TMEM63C: variants seen among roughly 807,000 people sequenced by gnomAD.
The protein encoded by TMEM63C is osmosensitive cation channel TMEM63C.
TMEM63C carries 32 observed loss-of-function variants against 99.2 expected under a neutral mutation model. The ratio of observed to expected loss-of-function variants is 0.32; its 90% CI spans 0.24 to 0.43. The LOEUF is 0.43. TMEM63C is among the 20% of genes least tolerant of loss of function. TMEM63C has a pLI of 1.00. For synonymous variants in TMEM63C, 376 were observed against 397.9 expected (o/e 0.94, Z 0.66); for missense variants, 826 against 1,053.0 (o/e 0.78, Z 2.98).
At position 77,256,636 on chromosome 14, in the gene TMEM63C, A is replaced by C. The variant is rs1889467117; in HGVS notation, c.2331A>C (p.Glu777Asp). The part of the protein sequence containing the change: ...TMNNQPEEGE[E>D]ESGLRGFARE... ...ACAACCAGCCGGAAGAGGGAGAAGA[A>C]GAGAGTGGTCTGAGGGGCTTTGCGA... The change falls in exon 24 of 24, where the codon GAA becomes GAC. Residue 777 changes from glutamate (E) to aspartate (D), a missense_variant. Glu to Asp is a conservative substitution (Grantham distance 45). Transcript: ENST00000298351. 5.0e-6 allele frequency: 8 copies of C among 1,613,876 alleles called. No individual in the cohort carries two copies. Among genetic ancestry groups the C allele is most frequent in the African/African-American group, 1.3e-5 (1 of 74,938 alleles).
At chr14:77,225,543 C>A in intron 6 of TMEM63C, 82 bp downstream of exon 6, 1 of 1,478,112 alleles carries the variant, frequency 6.8e-7, no homozygotes, top group East Asian at 2.3e-5. Context: ...TTAGCAGCCC[C>A]CAGCCTGGGA....
At chr14:77,185,646 A>G (rs4903555) in intron 1 of TMEM63C, among the ~76,000 whole-genome samples, 39,230 of 152,056 alleles carry the variant, frequency 0.26, 5,765 homozygotes, top group Admixed American at 0.39. Flanking sequence ...CATAGGGTAG[A>G]AACACTACAG....
At position 77,247,704 on chromosome 14, in the gene TMEM63C, C is replaced by T. The variant is rs570071389; in HGVS notation, c.1602-643C>T. Among the ~76,000 whole-genome samples the T allele has an allele frequency of 7.1e-4, 108 of 152,248 alleles. 1 individual carries two copies. The highest frequency in any genetic ancestry group is 2.5e-3 in the African/African-American group (102 of 41,524). On this transcript the variant is annotated intron_variant, in intron 18 of 23. Transcript: ENST00000298351. ...AACAAGTGTTGAGAATCCCAATTTTCAAAGATATGTTGCAAATGACATGCA... is the reference window on the plus strand; with the variant it reads ...AACAAGTGTTGAGAATCCCAATTTTTAAAGATATGTTGCAAATGACATGCA...
At chr14:77,220,379 A>C (rs1888669304) in intron 5 of TMEM63C, among the ~76,000 whole-genome samples, 1 of 152,156 alleles carries the variant, frequency 6.6e-6, no homozygotes, top group South Asian at 2.1e-4. Flanking sequence ...TCAAATCTCC[A>C]ACCCTTCTCA....
chr14:77,247,019 T>C (rs1415847899), intron 18 of TMEM63C, among the ~76,000 whole-genome samples: 1 of 152,130 alleles, frequency 6.6e-6, no homozygotes, highest in East Asian at 1.9e-4. Context: ...AACCAGGAAA[T>C]TGACACTGGT....
chr14:77,232,897 T>C (rs888337282), intron 7 of TMEM63C, among the ~76,000 whole-genome samples: 5 of 152,222 alleles, frequency 3.3e-5, no homozygotes, highest in Non-Finnish European at 5.9e-5. Context: ...TTAATTCAGT[T>C]TAGCACACTG....
rs958859576 is a variant in TMEM63C at position 77,213,853 on chromosome 14, C to T, written c.-14+345C>T. 7.9e-5 allele frequency among the ~76,000 whole-genome samples: 12 copies of T among 152,104 alleles called. No homozygotes were observed. The East Asian group carries it at 2.3e-3, about 29-fold the overall frequency. On this transcript the variant is annotated intron_variant, in intron 2 of 23. Coordinates refer to ENST00000298351, the MANE Select transcript of TMEM63C (RefSeq NM_020431.4). ...AACTATGGGTGGCCTAGGCAGAGCTCGATGGAGCAGGAATTAGGGGAACTG... is the reference window on the plus strand; with the variant it reads ...AACTATGGGTGGCCTAGGCAGAGCTTGATGGAGCAGGAATTAGGGGAACTG...
chr14:77,200,843 CT>C (rs1175979173), intron 1 of TMEM63C, among the ~76,000 whole-genome samples: 2 of 152,196 alleles, frequency 1.3e-5, no homozygotes, highest in Non-Finnish European at 2.9e-5. Flanking sequence ...ACTGGCTAGG[CT>C]CAAATCTCAC....
intron 23 of TMEM63C, 94 bp downstream of exon 23, chr14:77,253,470 C>A: frequency 7.9e-7 from 1 of 1,269,438 alleles, no homozygotes; most frequent in South Asian, 1.3e-5. Context: ...CTTTGCTGCC[C>A]ACTCTGGGTA....
intron 1 of TMEM63C, among the ~76,000 whole-genome samples, chr14:77,194,411 G>T (rs1465878121): frequency 6.7e-6 from 1 of 148,962 alleles, no homozygotes; most frequent in African/African-American, 2.5e-5. Context: ...AAAAATTCTC[G>T]AGGAAAATTT....
intron 9 of TMEM63C, among the ~76,000 whole-genome samples, chr14:77,238,300 A>C (rs557027651): frequency 6.6e-6 from 1 of 152,290 alleles, no homozygotes; most frequent in African/African-American, 2.4e-5. Context: ...GGAGAGCAGA[A>C]ATCACTGTGG....
chr14:77,245,187 A>T (rs1208010371), intron 16 of TMEM63C, among the ~76,000 whole-genome samples: 1 of 152,214 alleles, frequency 6.6e-6, no homozygotes, highest in East Asian at 1.9e-4. Context: ...GATTTTTAGT[A>T]TTCTTGGTAA....
rs183753042 is a variant in TMEM63C, at chr14:77,203,962, T to C, written c.-76-9484T>C. ...TATCCCTATGGCTGCTTCACCTCCT[T>C]CTCCTCCTTCCTGCCCCCTCCAGAC... On this transcript the variant is annotated intron_variant, in intron 1 of 23. Coordinates refer to ENST00000298351, the MANE Select transcript of TMEM63C (RefSeq NM_020431.4). 5.9e-3 allele frequency among the ~76,000 whole-genome samples: 902 copies of C among 152,298 alleles called. 14 individuals carry two copies. The highest frequency in any genetic ancestry group is 0.021 in the African/African-American group (867 of 41,570).
intron 5 of TMEM63C, among the ~76,000 whole-genome samples, chr14:77,220,881 C>T (rs111943938): frequency 0.079 from 7,668 of 97,000 alleles, 827 homozygotes; most frequent in East Asian, 0.21. Context: ...CTCCCACTCA[C>T]GCCCCGCCTC....
intron 7 of TMEM63C, 116 bp downstream of exon 7, chr14:77,231,846 TTTG>T (rs1300214196): frequency 1.4e-5 from 17 of 1,213,878 alleles, no homozygotes; most frequent in African/African-American, 7.6e-5. Flanking sequence ...CCTCTGGGAG[TTTG>T]TTGTTGTGTG....
intron 2 of TMEM63C, among the ~76,000 whole-genome samples, chr14:77,217,709 C>G (rs991581310): frequency 6.6e-6 from 1 of 152,196 alleles, no homozygotes; most frequent in African/African-American, 2.4e-5. Flanking sequence ...ATGCCAGGGA[C>G]GGCAGGCTCT....
Position 77,248,446 on chromosome 14 carries a change from C to G in TMEM63C, c.1701C>G (p.Leu567=), listed in dbSNP as rs774695781. 84 of 1,579,498 alleles carry G rather than the reference C, an allele frequency of 5.3e-5. No individual in the cohort carries two copies. The highest frequency in any genetic ancestry group is 7.0e-5 in the Non-Finnish European group (81 of 1,163,220). ...TGGAGCTGCTGCGTCTGGGGTCACT[C>G]TTCTGCTACAGCACCCGCCTCTTCT... ...TGMELLRLGS[L]FCYSTRLFFS... The change falls in exon 19 of 24, where the codon CTC becomes CTG. Residue 567 remains leucine (L), a synonymous_variant. Transcript: ENST00000298351.
At chr14:77,190,634 A>T (rs1350486454) in intron 1 of TMEM63C, among the ~76,000 whole-genome samples, 1 of 152,256 alleles carries the variant, frequency 6.6e-6, no homozygotes, top group East Asian at 1.9e-4. Flanking sequence ...AATGTAATTG[A>T]ACAAACTAAT....
chr14:77,191,536 T>C (rs1420727078), intron 1 of TMEM63C, among the ~76,000 whole-genome samples: 1 of 116,266 alleles, frequency 8.6e-6, no homozygotes, highest in Non-Finnish European at 1.7e-5. Flanking sequence ...TTTTTTCTTT[T>C]TCTTTTTTTT....
Sources: gnomAD v4.1 joint callset for allele counts (sites outside exome capture counted in the v4.1 genomes callset) on GRCh38, gnomAD v4.1.1 for gene constraint, MANE v1.5 for transcripts, NCBI Gene and HGNC (gene_info 2026-07-23, HGNC 2026-07-21) for gene names.